Variants in UBP1 observed in about 807,000 individuals in gnomAD.
The protein encoded by UBP1 is upstream-binding protein 1.
In UBP1, 22 loss-of-function variants were observed where a neutral mutation model predicts 76.1. That is an observed-to-expected ratio of 0.29 (90% CI 0.21 to 0.41). UBP1 has a LOEUF of 0.41. Among genes scored for constraint, UBP1 ranks in the 10% least tolerant of loss-of-function variants. The probability of loss-of-function intolerance (pLI) is 1.00; values close to 1 mark genes in which losing one functional copy is unlikely to be tolerated. For missense variants in UBP1, 436 were observed against 668.1 expected (o/e 0.65, Z 3.83); for synonymous variants, 224 against 237.1 (o/e 0.94, Z 0.51).
chr3:33,437,206 C>A (rs2045217870), intron 1 of UBP1, among the ~76,000 whole-genome samples: 1 of 149,128 alleles, frequency 6.7e-6, no homozygotes. Flanking sequence ...TACCAGCCTA[C>A]ATTATTTTAC....
At chr3:33,419,566 T>C (rs1013554433) in intron 2 of UBP1, among the ~76,000 whole-genome samples, 2 of 146,066 alleles carry the variant, frequency 1.4e-5, no homozygotes, top group African/African-American at 5.2e-5. Context: ...AGGCGGAGGT[T>C]GCGGTGAGCC....
chr3:33,409,607 A>C lies in UBP1; in HGVS notation c.556-6T>G. 1 of 1,614,112 alleles carries C rather than the reference A, an allele frequency of 6.2e-7. No homozygotes were observed. The highest frequency in any genetic ancestry group is 8.5e-7 in the Non-Finnish European group (1 of 1,179,990). ...TCTGTGCTGATGCAGTGTACCTATA[A>C]AACGATTCAGGCTGAAATGGATTCA... On this transcript the variant is annotated splice_region_variant and splice_polypyrimidine_tract_variant and intron_variant, in intron 5 of 15. Coordinates refer to ENST00000283629, the MANE Select transcript of UBP1 (RefSeq NM_014517.5).
At chr3:33,418,732 G>A (rs2044798197) in intron 2 of UBP1, among the ~76,000 whole-genome samples, 1 of 151,616 alleles carries the variant, frequency 6.6e-6, no homozygotes, top group Admixed American at 6.6e-5. Context: ...GGTGGTGCAT[G>A]CCTGTAATCC....
rs538997266 is a variant in UBP1, at chr3:33,390,422, T to C, written c.1586-54A>G. 1.2e-4 allele frequency: 185 copies of C among 1,604,244 alleles called. 1 individual carries two copies. The highest frequency in any genetic ancestry group is 9.9e-4 in the Middle Eastern group (6 of 6,032). Reference sequence around the variant, plus strand: ...TCAGTCAGGCTTAGGAAATTAAGCCTATTAAATGGAAAACTCCCTGCCAAC... The same window carrying C: ...TCAGTCAGGCTTAGGAAATTAAGCCCATTAAATGGAAAACTCCCTGCCAAC... On this transcript the variant is annotated intron_variant, in intron 15 of 15. Coordinates refer to ENST00000283629, the MANE Select transcript of UBP1 (RefSeq NM_014517.5).
At position 33,393,462 on chromosome 3, in the gene UBP1, T is replaced by TA. The variant is rs754581679; in HGVS notation, c.1391-9dup. On this transcript the variant is annotated splice_polypyrimidine_tract_variant and intron_variant, in intron 13 of 15. Transcript: ENST00000283629. ...AGTAGATTGCATGATAAACTGAAATTAAAAAAAAAAAAAGAAAAGCATTTT... is the reference window on the plus strand; with the variant it reads ...AGTAGATTGCATGATAAACTGAAATTAAAAAAAAAAAAAAGAAAAGCATTTT... 0.033 allele frequency: 40,971 copies of TA among 1,249,064 alleles called. 11 individuals are homozygous for TA. The highest frequency in any genetic ancestry group is 0.039 in the South Asian group (2,726 of 69,948). 77.4% of individuals were successfully genotyped at this position (1,249,064 alleles called of 1,614,324 possible). A position where few individuals can be genotyped will look rare whatever the true frequency, so the allele number is the denominator to read the frequency against.
At position 33,392,553 on chromosome 3, in the gene UBP1, TGC is replaced by T; in HGVS notation, c.1585+8_1585+9del. Reference sequence around the variant, plus strand: ...TCCAGCATTTTAAGACACACACACATGCAAAGTACCTTTTACTGTGGAGAATA... The same window carrying T: ...TCCAGCATTTTAAGACACACACACATAAAGTACCTTTTACTGTGGAGAATA... On this transcript the variant is annotated splice_region_variant and intron_variant, in intron 15 of 15. Transcript: ENST00000283629. The T allele has an allele frequency of 6.2e-7, 1 of 1,609,092 alleles. No homozygotes were observed. The highest frequency in any genetic ancestry group is 8.5e-7 in the Non-Finnish European group (1 of 1,178,194).
intron 1 of UBP1, among the ~76,000 whole-genome samples, chr3:33,430,788 C>T (rs1422274437): frequency 6.6e-6 from 1 of 152,120 alleles, no homozygotes; most frequent in Non-Finnish European, 1.5e-5. Context: ...GCAGCCATGC[C>T]TCCAGCAACA....
chr3:33,416,308 A>C (rs2044727450), intron 3 of UBP1, among the ~76,000 whole-genome samples: 1 of 152,000 alleles, frequency 6.6e-6, no homozygotes. Flanking sequence ...CTAAAAGAAC[A>C]GGTTAGCTGG....
At chr3:33,412,209 T>G (rs1365360034) in intron 4 of UBP1, among the ~76,000 whole-genome samples, 1 of 137,606 alleles carries the variant, frequency 7.3e-6, no homozygotes, top group Non-Finnish European at 1.6e-5. Flanking sequence ...AAAAAAAAGA[T>G]AGATGGTTTA....
chr3:33,423,321 G>A (rs960388994), intron 2 of UBP1, among the ~76,000 whole-genome samples: 2 of 151,912 alleles, frequency 1.3e-5, no homozygotes, highest in Non-Finnish European at 2.9e-5. Flanking sequence ...TTACAGGCGT[G>A]AGCCATCGTG....
At chr3:33,431,656 C>T (rs2045114263) in intron 1 of UBP1, among the ~76,000 whole-genome samples, 1 of 151,390 alleles carries the variant, frequency 6.6e-6, no homozygotes, top group Admixed American at 6.6e-5. Context: ...AGGAGAATTG[C>T]TTGAATCTGG....
At chr3:33,400,921 A>T in intron 10 of UBP1, 41 bp downstream of exon 10, 1 of 1,577,234 alleles carries the variant, frequency 6.3e-7, no homozygotes. Context: ...AAAATGTAGA[A>T]CCCTGAAAGC....
chr3:33,399,987 T>A (rs1043352865), intron 11 of UBP1, among the ~76,000 whole-genome samples: 1 of 152,246 alleles, frequency 6.6e-6, no homozygotes. Flanking sequence ...TGAACCAATG[T>A]CAACTGCCTG....
intron 2 of UBP1, among the ~76,000 whole-genome samples, chr3:33,420,895 A>G (rs1337597704): frequency 1.3e-5 from 2 of 152,154 alleles, no homozygotes; most frequent in Non-Finnish European, 2.9e-5. Flanking sequence ...AAATGCTGGG[A>G]TTACAGGTGG....
chr3:33,440,000 G>A lies in UBP1; in HGVS notation c.-152C>T, dbSNP rs1251365152. The A allele has an allele frequency of 2.7e-6, 2 of 744,330 alleles. No individual in the cohort carries two copies. The highest frequency in any genetic ancestry group is 3.9e-5 in the Admixed American group (1 of 25,526). 46.1% of individuals were successfully genotyped at this position (744,330 alleles called of 1,614,324 possible). A position where few individuals can be genotyped will look rare whatever the true frequency, so the allele number is the denominator to read the frequency against. On this transcript the variant is annotated 5_prime_UTR_variant, in exon 1 of 16. Coordinates refer to ENST00000283629, the MANE Select transcript of UBP1 (RefSeq NM_014517.5). ...AGCGGCGGCCGGGACGAGAGCTGCG[G>A]GGGCCCCACTGGCAGGGCACGACGA...
At chr3:33,402,534 A>G (rs541838709) in intron 9 of UBP1, among the ~76,000 whole-genome samples, 15 of 152,300 alleles carry the variant, frequency 9.8e-5, no homozygotes, top group Middle Eastern at 6.8e-3. Context: ...TACAAAGAAT[A>G]TATCTTGGCT....
chr3:33,411,850 C>T (rs912047500), intron 4 of UBP1, among the ~76,000 whole-genome samples, 163 bp from the exon 5 acceptor site: 4 of 152,080 alleles, frequency 2.6e-5, no homozygotes, highest in African/African-American at 7.2e-5. Flanking sequence ...CCACCCTAAA[C>T]GAATATCATC....
intron 9 of UBP1, among the ~76,000 whole-genome samples, chr3:33,402,279 GC>G (rs560768776): frequency 4.6e-5 from 7 of 152,130 alleles, no homozygotes; most frequent in South Asian, 4.2e-4. Context: ...GCCAGTCAAG[GC>G]TGGATAACAG....
intron 15 of UBP1, chr3:33,390,635 G>A: frequency 1.9e-6 from 1 of 516,738 alleles, no homozygotes; most frequent in Non-Finnish European, 3.5e-6. Context: ...GGGGGTAGGG[G>A]GACATCTATC....
Sources: allele counts gnomAD v4.1 joint callset (sites outside exome capture counted in the v4.1 genomes callset), GRCh38; gene constraint gnomAD v4.1.1; transcripts MANE v1.5; gene names NCBI Gene and HGNC (gene_info 2026-07-23, HGNC 2026-07-21).